TMTC1: variants seen among roughly 807,000 people sequenced by gnomAD.
TMTC1 encodes the protein transmembrane O-mannosyltransferase targeting cadherins 1.
In TMTC1, 73 loss-of-function variants were observed where a neutral mutation model predicts 104.8. That is an observed-to-expected ratio of 0.70 (90% CI 0.58 to 0.85). The LOEUF (loss-of-function observed/expected upper bound fraction) is 0.85, where lower values mean the gene tolerates loss of function less well. Among genes scored for constraint, TMTC1 ranks in the 40% least tolerant of loss-of-function variants. TMTC1 has a pLI of 0.00. For synonymous variants in TMTC1, 434 were observed against 428.7 expected, an observed-to-expected ratio of 1.01 and a Z score of -0.15; for missense variants, 1,035 against 1,096.1, an observed-to-expected ratio of 0.94 and a Z score of 0.79.
chr12:29,578,741 G>T (rs762895067), intron 8 of TMTC1, among the ~76,000 whole-genome samples: 7 of 152,140 alleles, frequency 4.6e-5, no homozygotes, highest in Non-Finnish European at 8.8e-5. Context: ...TGGACAATAG[G>T]TCAGGAGGAC....
At chr12:29,772,410 A>G (rs1263167539) in intron 1 of TMTC1, among the ~76,000 whole-genome samples, 2 of 152,178 alleles carry the variant, frequency 1.3e-5, no homozygotes, top group Non-Finnish European at 2.9e-5. Flanking sequence ...TTGAGCCTGC[A>G]TGACTATCAC....
At chr12:29,601,130 C>T (rs1260498470) in intron 7 of TMTC1, among the ~76,000 whole-genome samples, 1 of 152,048 alleles carries the variant, frequency 6.6e-6, no homozygotes, top group African/African-American at 2.4e-5. Flanking sequence ...CATTTTATTC[C>T]TAGGAAAAAA....
chr12:29,580,150 C>G (rs1196397722), intron 8 of TMTC1, among the ~76,000 whole-genome samples: 4 of 151,996 alleles, frequency 2.6e-5, no homozygotes, highest in Admixed American at 2.0e-4. Context: ...TAACTGTTCT[C>G]TACAAAACAT....
At chr12:29,741,593 C>T (rs1942827885) in intron 5 of TMTC1, among the ~76,000 whole-genome samples, 1 of 152,188 alleles carries the variant, frequency 6.6e-6, no homozygotes, top group African/African-American at 2.4e-5. Flanking sequence ...TCTTGCACTA[C>T]CCTGTGCTAT....
intron 5 of TMTC1, among the ~76,000 whole-genome samples, chr12:29,694,200 C>T (rs750985687): frequency 6.4e-4 from 98 of 152,178 alleles, no homozygotes; most frequent in African/African-American, 3.6e-4. Flanking sequence ...TGACTCTCTA[C>T]GCTTGCCTAT....
At chr12:29,699,480 TG>T (rs1392709212) in intron 5 of TMTC1, among the ~76,000 whole-genome samples, 3 of 152,188 alleles carry the variant, frequency 2.0e-5, no homozygotes, top group African/African-American at 4.8e-5. Context: ...ATGACTACTT[TG>T]AATACCACAT....
intron 5 of TMTC1, among the ~76,000 whole-genome samples, chr12:29,683,939 G>C (rs908311764): frequency 5.3e-5 from 8 of 151,802 alleles, no homozygotes; most frequent in African/African-American, 1.9e-4. Context: ...CGTCTCCCAG[G>C]CTCAAGCAAT....
intron 7 of TMTC1, among the ~76,000 whole-genome samples, chr12:29,589,301 C>T (rs1171555855): frequency 6.6e-6 from 1 of 152,212 alleles, no homozygotes; most frequent in African/African-American, 2.4e-5. Context: ...TTCTGTGATT[C>T]TGTGTTCCTT....
At chr12:29,583,159 T>G (rs1298442182) in intron 8 of TMTC1, among the ~76,000 whole-genome samples, 1 of 152,160 alleles carries the variant, frequency 6.6e-6, no homozygotes, top group African/African-American at 2.4e-5. Flanking sequence ...ATTCACAGAC[T>G]CAAAAACTTT....
At chr12:29,643,569 T>G (rs1435759558) in intron 5 of TMTC1, among the ~76,000 whole-genome samples, 1 of 88,202 alleles carries the variant, frequency 1.1e-5, no homozygotes, top group Non-Finnish European at 2.0e-5. Flanking sequence ...TATTATAATA[T>G]ATAATATATG....
rs1565654824 is a variant in TMTC1, at chr12:29,538,237, A to G, written c.1677-1920T>C. The stretch of plus-strand genomic sequence containing the variant: ...ATTTAAAGAGTACCCACAAGACTCC[A>G]TGACTTCCATACACACACTACGTTT... On this transcript the variant is annotated intron_variant, in intron 10 of 17. Transcript: ENST00000539277. 2.6e-5 allele frequency among the ~76,000 whole-genome samples: 4 copies of G among 152,348 alleles called. No individual in the cohort carries two copies. The South Asian group carries it at 8.3e-4, about 32-fold the overall frequency.
chr12:29,556,770 AG>A (rs1945255193), intron 10 of TMTC1, 86 bp downstream of exon 10: 4 of 1,498,938 alleles, frequency 2.7e-6, no homozygotes, highest in Non-Finnish European at 3.7e-6. Context: ...GAGAGAGGCA[AG>A]TGCAGCACAA....
intron 1 of TMTC1, among the ~76,000 whole-genome samples, chr12:29,776,810 C>T (rs532865291): frequency 2.6e-5 from 4 of 152,252 alleles, no homozygotes; most frequent in African/African-American, 9.6e-5. Context: ...TAGGCAGAAA[C>T]CAAAGGTGGT....
chr12:29,624,622 TC>T (rs1937876457), intron 6 of TMTC1, among the ~76,000 whole-genome samples: 1 of 152,164 alleles, frequency 6.6e-6, no homozygotes, highest in Admixed American at 6.5e-5. Context: ...GGAATGCTCT[TC>T]CCCAAACAGC....
chr12:29,646,725 T>C (rs1218580338), intron 5 of TMTC1, among the ~76,000 whole-genome samples: 3 of 152,216 alleles, frequency 2.0e-5, no homozygotes, highest in Non-Finnish European at 2.9e-5. Flanking sequence ...GCTATTTTTC[T>C]ATGAATATAT....
intron 5 of TMTC1, among the ~76,000 whole-genome samples, chr12:29,697,129 C>T (rs994114663): frequency 5.9e-5 from 9 of 152,234 alleles, no homozygotes; most frequent in African/African-American, 4.8e-5. Context: ...AATATGTATT[C>T]GTCAAGTGAA....
intron 6 of TMTC1, among the ~76,000 whole-genome samples, chr12:29,605,533 C>A (rs183065702): frequency 1.4e-5 from 2 of 144,336 alleles, no homozygotes; most frequent in Admixed American, 6.9e-5. Flanking sequence ...ATGTAACAAG[C>A]CTTCAACTCA....
At chr12:29,658,521 A>G (rs1939863463) in intron 5 of TMTC1, 1 of 156,186 alleles carries the variant, frequency 6.4e-6, no homozygotes, top group African/African-American at 2.4e-5. Flanking sequence ...TAGAGTGCTT[A>G]ATACGCACAT....
chr12:29,667,589 A>G (rs1448991485), intron 5 of TMTC1, among the ~76,000 whole-genome samples: 2 of 152,220 alleles, frequency 1.3e-5, no homozygotes, highest in African/African-American at 4.8e-5. Flanking sequence ...AATGAGGGAA[A>G]AAAATGATGC....
Sources: gnomAD v4.1 joint callset for allele counts (sites outside exome capture counted in the v4.1 genomes callset) on GRCh38, gnomAD v4.1.1 for gene constraint, MANE v1.5 for transcripts, NCBI Gene and HGNC (gene_info 2026-07-23, HGNC 2026-07-21) for gene names.